Variants in ATP13A5 observed in about 807,000 individuals in gnomAD.
ATP13A5 encodes ATPase 13A5, also known as probable cation-transporting ATPase 13A5.
Under a neutral mutation model 150.2 loss-of-function variants are expected in ATP13A5, and 149 were observed. The observed-to-expected ratio is 0.99, with a 90% CI of 0.87 to 1.14. The LOEUF (loss-of-function observed/expected upper bound fraction) is 1.14. ATP13A5 is among the 50% of genes most tolerant of loss of function. ATP13A5 has a pLI of 0.00. For synonymous variants in ATP13A5, 497 were observed against 522.2 expected (o/e 0.95, Z 0.66); for missense variants, 1,383 against 1,449.3 (o/e 0.95, Z 0.74).
At chr3:193,334,054 AT>A in intron 10 of ATP13A5, 147 bp from the exon 11 acceptor site, 2 of 699,488 alleles carry the variant, frequency 2.9e-6, no homozygotes, top group South Asian at 2.6e-5. Flanking sequence ...GGTTTTCATG[AT>A]TTTTAACCAT....
intron 21 of ATP13A5, 38 bp from the exon 22 acceptor site, chr3:193,307,407 A>G (rs771662907): frequency 6.2e-7 from 1 of 1,609,230 alleles, no homozygotes; most frequent in Non-Finnish European, 8.5e-7. Flanking sequence ...ATAGGTAAGA[A>G]AAATGAACAG....
intron 3 of ATP13A5, 38 bp from the exon 4 acceptor site, chr3:193,362,675 A>T (rs1713063363): frequency 6.3e-7 from 1 of 1,594,056 alleles, no homozygotes; most frequent in Non-Finnish European, 8.6e-7. Context: ...TGTCATTCAC[A>T]GCATAAAGCT....
At chr3:193,343,857 G>C (rs914426939) in intron 9 of ATP13A5, 70 bp downstream of exon 9, 1 of 1,542,018 alleles carries the variant, frequency 6.5e-7, no homozygotes, top group African/African-American at 1.4e-5. Flanking sequence ...TCTGGTATAA[G>C]GTAGGTGAGG....
At chr3:193,329,621 GA>G (rs1228223746) in intron 12 of ATP13A5, among the ~76,000 whole-genome samples, 3 of 152,182 alleles carry the variant, frequency 2.0e-5, no homozygotes, top group African/African-American at 7.2e-5. Flanking sequence ...AATCTAAAAT[GA>G]AGTTAACCTT....
intron 9 of ATP13A5, among the ~76,000 whole-genome samples, chr3:193,342,048 G>C (rs1423696282): frequency 1.3e-5 from 2 of 152,200 alleles, no homozygotes; most frequent in Admixed American, 1.3e-4. Flanking sequence ...TAGCCGAGCA[G>C]CTCTGGTCTT....
At chr3:193,340,460 A>T (rs947911359) in intron 9 of ATP13A5, among the ~76,000 whole-genome samples, 1 of 152,244 alleles carries the variant, frequency 6.6e-6, no homozygotes, top group South Asian at 2.1e-4. Flanking sequence ...AGAGAAAAAG[A>T]TCTGACCTAT....
chr3:193,310,115 C>T (rs926103407), intron 21 of ATP13A5, among the ~76,000 whole-genome samples: 4 of 152,148 alleles, frequency 2.6e-5, no homozygotes, highest in African/African-American at 9.7e-5. Context: ...AGTGAGAACA[C>T]AGTATTTGAT....
Position 193,331,156 on chromosome 3 carries a change from C to A in ATP13A5, c.1428G>T (p.Met476Ile), listed in dbSNP as rs1243589122. 41 of 1,613,912 alleles carry A rather than the reference C, an allele frequency of 2.5e-5. No individual in the cohort carries two copies. The East Asian group carries it at 8.9e-4, about 35-fold the overall frequency. Residue 476 changes from methionine to isoleucine, a missense_variant, in exon 12 of 30, where the codon ATG becomes ATT. Physicochemically the swap from Met to Ile is conservative, Grantham distance 10. Transcript: ENST00000342358. ...AGCACACGAGGTTTATTTGCCCACA[C>A]ATGTTGATTCTCTGTGGGGAGATAC... ...IFCISPQRINMCGQINLVCFD... is the reference protein window; with the variant it reads ...IFCISPQRINICGQINLVCFD...
intron 27 of ATP13A5, among the ~76,000 whole-genome samples, chr3:193,279,671 A>G (rs1717392462): frequency 6.6e-6 from 1 of 152,166 alleles, no homozygotes. Context: ...GAGACTGTTA[A>G]TCAAATGTAT....
chr3:193,305,445 T>G, intron 23 of ATP13A5, 114 bp downstream of exon 23: 1 of 868,280 alleles, frequency 1.2e-6, no homozygotes, highest in African/African-American at 1.6e-5. Flanking sequence ...CAATAGCACT[T>G]CACCCATTCC....
chr3:193,276,874 A>G (rs747929695), intron 28 of ATP13A5, 44 bp from the exon 29 acceptor site: 1 of 1,376,976 alleles, frequency 7.3e-7, no homozygotes, highest in South Asian at 1.2e-5. Flanking sequence ...CACACTTCAC[A>G]CTTTGAAAAA....
intron 18 of ATP13A5, among the ~76,000 whole-genome samples, 190 bp downstream of exon 18, chr3:193,314,782 C>A (rs940521158): frequency 6.6e-6 from 1 of 152,178 alleles, no homozygotes; most frequent in Non-Finnish European, 1.5e-5. Context: ...GAGATACGGT[C>A]CCTACCTTCA....
At chr3:193,280,290 G>T (rs150028690) in intron 27 of ATP13A5, among the ~76,000 whole-genome samples, 2 of 151,990 alleles carry the variant, frequency 1.3e-5, no homozygotes. Flanking sequence ...CCTGACCTGC[G>T]ATCCACCCGC....
intron 6 of ATP13A5, among the ~76,000 whole-genome samples, chr3:193,353,544 T>C (rs1712651052): frequency 6.6e-6 from 1 of 152,160 alleles, no homozygotes; most frequent in Non-Finnish European, 1.5e-5. Flanking sequence ...GTTGAAGCCC[T>C]AACCCCCAGT....
chr3:193,366,429 G>A (rs1026976932), intron 1 of ATP13A5, among the ~76,000 whole-genome samples: 4 of 151,994 alleles, frequency 2.6e-5, no homozygotes, highest in Non-Finnish European at 5.9e-5. Context: ...AACAGTGGAA[G>A]AAAGCTGATA....
chr3:193,367,396 T>C (rs1427643991), intron 1 of ATP13A5, among the ~76,000 whole-genome samples: 2 of 152,074 alleles, frequency 1.3e-5, no homozygotes, highest in Non-Finnish European at 2.9e-5. Flanking sequence ...TGTGATTCCT[T>C]TGAAATATTT....
At chr3:193,363,565 G>T (rs1713123269) in intron 2 of ATP13A5, among the ~76,000 whole-genome samples, 183 bp from the exon 3 acceptor site, 1 of 152,170 alleles carries the variant, frequency 6.6e-6, no homozygotes. Flanking sequence ...AAAACTCTGG[G>T]TGGGGCCAGC....
chr3:193,377,022 A>G (rs1713669011), intron 1 of ATP13A5, among the ~76,000 whole-genome samples: 1 of 152,198 alleles, frequency 6.6e-6, no homozygotes, highest in Admixed American at 6.5e-5. Flanking sequence ...CACCTGCAAA[A>G]ATGAAGAAAA....
Position 193,312,073 on chromosome 3 carries a change from C to T in ATP13A5, c.2320-132G>A, listed in dbSNP as rs151319293. 1.1e-3 allele frequency: 1,225 copies of T among 1,164,056 alleles called. 11 individuals carry two copies. In the African/African-American group the frequency reaches 0.017, roughly 16 times the overall value. The allele number at this position is 1,164,056 out of a possible 1,614,324, so 72.1% of individuals were successfully genotyped here. A position where few individuals can be genotyped will look rare whatever the true frequency, so the allele number is the denominator to read the frequency against. On this transcript the variant is annotated intron_variant, in intron 19 of 29. Coordinates refer to ENST00000342358, the MANE Select transcript of ATP13A5 (RefSeq NM_198505.4). ...CAGCAACAAAATAATGTGTAATTTG[C>T]CTATAGCAGTTCTACCCATAGGAAA...
Sources: allele counts gnomAD v4.1 joint callset (sites outside exome capture counted in the v4.1 genomes callset), GRCh38; gene constraint gnomAD v4.1.1; transcripts MANE v1.5; gene names NCBI Gene and HGNC (gene_info 2026-07-23, HGNC 2026-07-21).